MGST2: variants seen among roughly 807,000 people sequenced by gnomAD.
MGST2 encodes the protein glutathione peroxidase MGST2.
MGST2 carries 9 observed loss-of-function variants against 16.6 expected under a neutral mutation model. The ratio of observed to expected loss-of-function variants is 0.54; its 90% CI spans 0.33 to 0.95. MGST2 has a LOEUF of 0.95. Ranked by LOEUF, MGST2 falls within the 40% of genes least tolerant of loss-of-function variation. MGST2 has a pLI of 0.03. For missense variants in MGST2, 159 were observed against 175.1 expected, an observed-to-expected ratio of 0.91 and a Z score of 0.52; for synonymous variants, 79 against 68.0, an observed-to-expected ratio of 1.16 and a Z score of -0.79.
intron 3 of MGST2, 55 bp downstream of exon 3, chr4:139,695,322 A>G: frequency 7.0e-7 from 1 of 1,420,828 alleles, no homozygotes; most frequent in Non-Finnish European, 1.0e-6. Flanking sequence ...TGCTTAAACG[A>G]TTAAGGAGTA....
At chr4:139,705,695 C>T (rs369540037), downstream of MGST2, 4 of 152,154 alleles carry the variant, frequency 2.6e-5, no homozygotes, top group East Asian at 3.9e-4. Context: ...GGGACAAGTG[C>T]GAAGAGAATA....
chr4:139,678,438 A>T, intron 1 of MGST2, 105 bp from the exon 2 acceptor site: 1 of 827,296 alleles, frequency 1.2e-6, no homozygotes, highest in Non-Finnish European at 2.1e-6. Context: ...GATTTTAGAC[A>T]TTGTAATAGG....
intron 3 of MGST2, chr4:139,698,021 A>G (rs1031515071): frequency 1.5e-5 from 9 of 600,288 alleles, no homozygotes; most frequent in Admixed American, 6.1e-5. Flanking sequence ...ACTCGCAATC[A>G]TATACTTAGG....
At chr4:139,734,439 A>G (rs1039053980) in intron 5 of MGST2, among the ~76,000 whole-genome samples, 3 of 152,244 alleles carry the variant, frequency 2.0e-5, no homozygotes, top group African/African-American at 7.2e-5. Flanking sequence ...GAATCTTAAT[A>G]CAGTTTCTTC....
rs148615899 is a variant in MGST2, at chr4:139,682,943, T to G, written c.158+4301T>G. 4.1e-4 allele frequency among the ~76,000 whole-genome samples: 62 copies of G among 152,010 alleles called. 1 individual carries two copies. The East Asian group carries it at 4.8e-3, about 12-fold the overall frequency. On this transcript the variant is annotated intron_variant, in intron 2 of 4. Transcript: ENST00000265498. ...ACAGGCCCCTGCCTCGCAGATTAAT[T>G]CCAGGTCACCACCCACGAGCTGGAG...
At chr4:139,681,439 T>C (rs1579300112) in intron 2 of MGST2, among the ~76,000 whole-genome samples, 1 of 152,214 alleles carries the variant, frequency 6.6e-6, no homozygotes, top group African/African-American at 2.4e-5. Flanking sequence ...TCTAGTTTTC[T>C]TTTATCTTCA....
downstream of MGST2, among the ~76,000 whole-genome samples, chr4:139,704,876 C>T (rs913676346): frequency 3.3e-5 from 5 of 152,022 alleles, no homozygotes; most frequent in South Asian, 4.2e-4. Flanking sequence ...GAGCCAAGAT[C>T]GCGCCACTGC....
At chr4:139,720,045 C>G in intron 5 of MGST2, 1 of 1,614,076 alleles carries the variant, frequency 6.2e-7, no homozygotes, top group Non-Finnish European at 8.5e-7. Flanking sequence ...TGCCTCGGTC[C>G]CTGGGCTTGG....
At chr4:139,695,346 G>A in intron 3 of MGST2, 79 bp downstream of exon 3, 1 of 1,216,074 alleles carries the variant, frequency 8.2e-7, no homozygotes, top group Non-Finnish European at 1.2e-6. Flanking sequence ...ATATGGCCAG[G>A]CACGGTGGCT....
intron 1 of MGST2, among the ~76,000 whole-genome samples, chr4:139,668,595 CAGAGAG>C (rs200533863): frequency 2.2e-5 from 3 of 135,162 alleles, no homozygotes; most frequent in East Asian, 2.1e-4. Context: ...AAGAAAGACA[CAGAGAG>C]AGAGAGAGAG....
At position 139,704,116 on chromosome 4, in the gene MGST2, A is replaced by C; in HGVS notation, c.412A>C (p.Asn138His). ...CTTTCTGGATGAATATCTGGACCTCAATATTGCCAAGAAACTGAGGCGGCA... is the reference window on the plus strand; with the variant it reads ...CTTTCTGGATGAATATCTGGACCTCCATATTGCCAAGAAACTGAGGCGGCA... Reference protein sequence around the residue: ...NSFLDEYLDLNIAKKLRRQF With the variant: ...NSFLDEYLDLHIAKKLRRQF The change falls in exon 5 of 5, where the codon AAT (asparagine) becomes CAT (histidine). Residue 138 changes from asparagine (N) to histidine (H), a missense_variant. By Grantham distance (68) the Asn-to-His change is moderately conservative. Transcript: ENST00000265498. 6.2e-7 allele frequency: 1 copy of C among 1,614,200 alleles called. No individual in the cohort carries two copies. The highest frequency in any genetic ancestry group is 8.5e-7 in the Non-Finnish European group (1 of 1,180,032).
chr4:139,700,931 G>A (rs536206846), intron 3 of MGST2, among the ~76,000 whole-genome samples: 2 of 152,134 alleles, frequency 1.3e-5, no homozygotes. Flanking sequence ...GCTTTCAAAG[G>A]CAACCCCATC....
At chr4:139,689,128 AG>A (rs1193117142) in intron 2 of MGST2, among the ~76,000 whole-genome samples, 9 of 148,770 alleles carry the variant, frequency 6.0e-5, no homozygotes, top group African/African-American at 2.2e-4. Flanking sequence ...AAAAAAAAAA[AG>A]GGATCTCCCA....
downstream of MGST2, among the ~76,000 whole-genome samples, chr4:139,742,258 T>C (rs1438734467): frequency 6.6e-6 from 1 of 151,930 alleles, no homozygotes; most frequent in African/African-American, 2.4e-5. Context: ...AAGCAATTCT[T>C]CTGCCTCAGC....
intron 5 of MGST2, among the ~76,000 whole-genome samples, chr4:139,739,569 T>C (rs894762891): frequency 5.9e-5 from 9 of 151,982 alleles, no homozygotes; most frequent in Non-Finnish European, 1.0e-4. Context: ...TTATGGTACA[T>C]CCATACCATG....
intron 2 of MGST2, among the ~76,000 whole-genome samples, chr4:139,679,743 G>A (rs1243899858): frequency 2.0e-5 from 3 of 152,116 alleles, no homozygotes; most frequent in African/African-American, 4.8e-5. Flanking sequence ...GGGAGTACAC[G>A]AGATAATTGT....
At chr4:139,741,594 A>C (rs772022156), downstream of MGST2, among the ~76,000 whole-genome samples, 39 of 151,922 alleles carry the variant, frequency 2.6e-4, no homozygotes, top group Non-Finnish European at 3.5e-4. Context: ...TAAAAATAAA[A>C]AAATTAGCTG....
At chr4:139,747,363 T>A in the MGST2 span, among the ~76,000 whole-genome samples, 50 of 152,304 alleles carry the variant, frequency 3.3e-4, 1 homozygote, top group Admixed American at 4.6e-4. Flanking sequence ...ATCTCTTTAG[T>A]TAGAGAATGA....
At chr4:139,692,567 C>T (rs914325440) in intron 2 of MGST2, among the ~76,000 whole-genome samples, 2 of 152,192 alleles carry the variant, frequency 1.3e-5, no homozygotes, top group African/African-American at 4.8e-5. Flanking sequence ...TTTGTCTCTT[C>T]TGTCATCTGA....
Sources: gnomAD v4.1 joint callset for allele counts (sites outside exome capture counted in the v4.1 genomes callset) on GRCh38, gnomAD v4.1.1 for gene constraint, MANE v1.5 for transcripts, NCBI Gene and HGNC (gene_info 2026-07-23, HGNC 2026-07-21) for gene names.